YTHDC1: variants seen among roughly 807,000 people sequenced by gnomAD.
YTHDC1 encodes YTH N6-methyladenosine RNA binding protein C1, also known as YTH domain-containing protein 1.
YTHDC1 carries 12 observed loss-of-function variants against 107.0 expected under a neutral mutation model. The observed-to-expected ratio is 0.11, with a 90% CI of 0.07 to 0.18. The LOEUF (loss-of-function observed/expected upper bound fraction) is 0.18, where lower values mean the gene tolerates loss of function less well. YTHDC1 is among the 10% of genes least tolerant of loss of function. The pLI, the probability that YTHDC1 is intolerant of heterozygous loss-of-function variation, is 1.00. For missense variants in YTHDC1, 635 were observed against 898.8 expected (o/e 0.71, Z 3.75); for synonymous variants, 280 against 289.5 (o/e 0.97, Z 0.33).
Position 68,349,786 on chromosome 4 carries a change from C to T in YTHDC1, c.-33G>A, listed in dbSNP as rs367605163. 6.2e-3 allele frequency: 10,071 copies of T among 1,612,596 alleles called. 67 individuals carry two copies. The highest frequency in any genetic ancestry group is 0.017 in the Middle Eastern group (105 of 6,058). On this transcript the variant is annotated 5_prime_UTR_variant, in exon 1 of 17. Coordinates refer to ENST00000344157, the MANE Select transcript of YTHDC1 (RefSeq NM_001031732.4). ...CTTCGGTTTCCGCCGCTGCCACCGC[C>T]GCCGCCGCTTAGACGCGACTCGCGC... is the stretch of plus-strand genomic sequence containing the variant.
chr4:68,336,933 C>T (rs1724230587), intron 4 of YTHDC1, 94 bp downstream of exon 4: 1 of 1,452,604 alleles, frequency 6.9e-7, no homozygotes, highest in Non-Finnish European at 9.1e-7. Context: ...TTAATATCCC[C>T]CATCTCCTCA....
intron 4 of YTHDC1, 104 bp downstream of exon 4, chr4:68,336,923 T>C (rs1453600167): frequency 1.4e-6 from 2 of 1,406,354 alleles, no homozygotes; most frequent in East Asian, 2.4e-5. Context: ...GACAATCCTA[T>C]TAATATCCCC....
chr4:68,333,717 A>G (rs1251698403), intron 4 of YTHDC1, among the ~76,000 whole-genome samples: 1 of 152,130 alleles, frequency 6.6e-6, no homozygotes, highest in Non-Finnish European at 1.5e-5. Flanking sequence ...AAGCAAAAAC[A>G]ATTTCTTTCA....
chr4:68,317,671 A>G (rs908375632), intron 15 of YTHDC1, among the ~76,000 whole-genome samples: 1 of 152,234 alleles, frequency 6.6e-6, no homozygotes, highest in African/African-American at 2.4e-5. Flanking sequence ...TGAGTATTAG[A>G]TCAGGCACTA....
chr4:68,329,347 A>G (rs4860927), intron 9 of YTHDC1, among the ~76,000 whole-genome samples: 124,573 of 152,088 alleles, frequency 0.82, 51,386 homozygotes, highest in East Asian at 0.97. Flanking sequence ...CGACCCCTTC[A>G]GGCTCATCAA....
Position 68,314,128 on chromosome 4 carries a change from G to A in YTHDC1, c.2155C>T (p.Arg719Ter). Reference protein sequence around the residue: ...RERLCDRDRDRGERGRYRR With the variant: ...RERLCDRDRD Reference sequence around the variant, plus strand: ...CTTCTATATCGACCTCTCTCCCCTCGGTCTCTGTCTCGATCACATAATCGC... The same window carrying A: ...CTTCTATATCGACCTCTCTCCCCTCAGTCTCTGTCTCGATCACATAATCGC... Residue 719 changes from arginine to a stop codon, truncating the protein, a stop_gained, in exon 17 of 17, where the codon CGA (arginine) becomes TGA (stop). Coordinates refer to ENST00000344157, the MANE Select transcript of YTHDC1 (RefSeq NM_001031732.4). LOFTEE classifies it high-confidence loss of function. The A allele has an allele frequency of 3.1e-6, 5 of 1,613,586 alleles. No homozygotes were observed. The highest frequency in any genetic ancestry group is 1.7e-4 in the Middle Eastern group (1 of 6,060).
rs892240795 is a variant in YTHDC1, at chr4:68,350,027, G to T, written c.-274C>A. On this transcript the variant is annotated 5_prime_UTR_variant, in exon 1 of 17. Coordinates refer to ENST00000344157, the MANE Select transcript of YTHDC1 (RefSeq NM_001031732.4). Reference sequence around the variant, plus strand: ...TATGGGGGAGGGAAGGGAAACAGATGGCGACGGCGGGCGGCGCTAAAATGG... The same window carrying T: ...TATGGGGGAGGGAAGGGAAACAGATTGCGACGGCGGGCGGCGCTAAAATGG... 2 of 554,260 alleles carry T rather than the reference G, an allele frequency of 3.6e-6. No individual in the cohort carries two copies. The highest frequency in any genetic ancestry group is 6.4e-6 in the Non-Finnish European group (2 of 312,404). 34.3% of individuals were successfully genotyped at this position (554,260 alleles called of 1,614,324 possible). A position where few individuals can be genotyped will look rare whatever the true frequency, so the allele number is the denominator to read the frequency against.
chr4:68,320,431 C>G (rs1367272811), intron 11 of YTHDC1, among the ~76,000 whole-genome samples: 1 of 152,092 alleles, frequency 6.6e-6, no homozygotes, highest in Non-Finnish European at 1.5e-5. Flanking sequence ...TCTGCCAACT[C>G]ATGCTATGAT....
intron 2 of YTHDC1, 74 bp downstream of exon 2, chr4:68,338,209 T>C: frequency 2.8e-6 from 4 of 1,410,174 alleles, no homozygotes; most frequent in Non-Finnish European, 3.8e-6. Flanking sequence ...AAAAGCACAG[T>C]CATTTTTTTT....
chr4:68,318,313 G>A (rs942249710), intron 15 of YTHDC1, among the ~76,000 whole-genome samples: 1 of 152,120 alleles, frequency 6.6e-6, no homozygotes, highest in African/African-American at 2.4e-5. Flanking sequence ...TCACCGTGTT[G>A]GCCAGGCTGG....
At chr4:68,318,612 T>C in intron 14 of YTHDC1, 31 bp from the exon 15 acceptor site, 2 of 1,606,538 alleles carry the variant, frequency 1.2e-6, no homozygotes, top group Non-Finnish European at 1.7e-6. Flanking sequence ...GTCAATATAA[T>C]TAAAAATTAT....
rs1016101156 is a variant in YTHDC1, at chr4:68,322,713, C to T, written c.1601+36G>A. 5.0e-6 allele frequency: 8 copies of T among 1,603,644 alleles called. No individual in the cohort carries two copies. Among genetic ancestry groups the T allele is most frequent in the Non-Finnish European group, 6.8e-6 (8 of 1,172,476 alleles). Reference sequence around the variant, plus strand: ...ATTCCTCCATCATGTTATTCTGATACATGTGCCTATTATCAGTCCAAAGAA... The same window carrying T: ...ATTCCTCCATCATGTTATTCTGATATATGTGCCTATTATCAGTCCAAAGAA... On this transcript the variant is annotated intron_variant, in intron 11 of 16. Transcript: ENST00000344157. This position sits in a 1 kb window ranked among gnomAD's most constrained non-coding sequence, Gnocchi z 4.8.
rs1369063415 is a variant in YTHDC1, at chr4:68,349,978, G to C, written c.-225C>G. Reference sequence around the variant, plus strand: ...CCAGCGGCCTAGGCCCAGCCTTCTCGTTAGGGCTCAGACTCGGGCTAGGTA... The same window carrying C: ...CCAGCGGCCTAGGCCCAGCCTTCTCCTTAGGGCTCAGACTCGGGCTAGGTA... On this transcript the variant is annotated 5_prime_UTR_variant, in exon 1 of 17. Coordinates refer to ENST00000344157, the MANE Select transcript of YTHDC1 (RefSeq NM_001031732.4). The C allele has an allele frequency of 3.2e-6, 2 of 633,220 alleles. No individual in the cohort carries two copies. Among genetic ancestry groups the C allele is most frequent in the Non-Finnish European group, 2.7e-6 (1 of 366,740 alleles). The allele number at this position is 633,220 out of a possible 1,614,324, so 39.2% of individuals were successfully genotyped here.
At chr4:68,318,288 G>A (rs1244516207) in intron 15 of YTHDC1, among the ~76,000 whole-genome samples, 2 of 152,242 alleles carry the variant, frequency 1.3e-5, no homozygotes, top group Admixed American at 1.3e-4. Context: ...TTTTAGTAGA[G>A]ACAAGGTTTC....
chr4:68,349,827 G>T lies in YTHDC1; in HGVS notation c.-74C>A. The T allele has an allele frequency of 6.2e-7, 1 of 1,605,576 alleles. No individual in the cohort carries two copies. The highest frequency in any genetic ancestry group is 8.5e-7 in the Non-Finnish European group (1 of 1,174,912). On this transcript the variant is annotated 5_prime_UTR_variant, in exon 1 of 17. Coordinates refer to ENST00000344157, the MANE Select transcript of YTHDC1 (RefSeq NM_001031732.4). ...CGACTCGCGCGGGCGCCGCAGCCGC[G>T]GCAGAAGCACGGGCCCGTCCGTCAG...
chr4:68,337,397 C>T lies in YTHDC1; in HGVS notation c.513G>A (p.Lys171=). 2 of 1,614,164 alleles carry T rather than the reference C, an allele frequency of 1.2e-6. No individual in the cohort carries two copies. The change falls in exon 4 of 17, where the codon AAG becomes AAA. Residue 171 remains lysine (K), a synonymous_variant. Coordinates refer to ENST00000344157, the MANE Select transcript of YTHDC1 (RefSeq NM_001031732.4). ...CATATTCTTCAGAGTTCACTTCTTC[C>T]TTAGAAGACTGGCTGGATCTGCTTG... ...RRASRSSQSS[K]EEVNSEEYGS...
chr4:68,319,984 AAATTTC>A, intron 12 of YTHDC1, 133 bp downstream of exon 12: 1 of 698,698 alleles, frequency 1.4e-6, no homozygotes, highest in Non-Finnish European at 2.4e-6. Flanking sequence ...AGAACTACTA[AAATTTC>A]TCAAGATTTA....
In YTHDC1 at chr4:68,349,989, G is replaced by A. The variant is rs11542385; in HGVS notation, c.-236C>T. 3.3e-6 allele frequency: 2 copies of A among 613,482 alleles called. No individual in the cohort carries two copies. The highest frequency in any genetic ancestry group is 5.7e-6 in the Non-Finnish European group (2 of 351,102). The allele number at this position is 613,482 out of a possible 1,614,324, so 38.0% of individuals were successfully genotyped here. ...GGCCCAGCCTTCTCGTTAGGGCTCA[G>A]ACTCGGGCTAGGTATGGGGGAGGGA... On this transcript the variant is annotated 5_prime_UTR_variant, in exon 1 of 17. Transcript: ENST00000344157.
At chr4:68,335,687 C>T (rs901586678) in intron 4 of YTHDC1, among the ~76,000 whole-genome samples, 6 of 151,974 alleles carry the variant, frequency 3.9e-5, no homozygotes, top group African/African-American at 1.4e-4. Context: ...CATACATTCT[C>T]CACAATAAAT....
Sources: gnomAD v4.1 joint callset for allele counts (sites outside exome capture counted in the v4.1 genomes callset) on GRCh38, gnomAD v4.1.1 for gene constraint, Gnocchi (gnomAD v3.1) non-coding constraint, MANE v1.5 for transcripts, NCBI Gene and HGNC (gene_info 2026-07-23, HGNC 2026-07-21) for gene names.